MPPED1: variants seen among roughly 807,000 people sequenced by gnomAD.
The protein encoded by MPPED1 is metallophosphoesterase domain-containing protein 1.
MPPED1 carries 16 observed loss-of-function variants against 36.2 expected under a neutral mutation model. The observed-to-expected ratio is 0.44, with a 90% CI of 0.30 to 0.67. The LOEUF (loss-of-function observed/expected upper bound fraction) is 0.67, where lower values mean the gene tolerates loss of function less well. Among genes scored for constraint, MPPED1 ranks in the 30% least tolerant of loss-of-function variants. The pLI, the probability that MPPED1 is intolerant of heterozygous loss-of-function variation, is 0.10. For synonymous variants in MPPED1, 199 were observed against 191.3 expected (o/e 1.04, Z -0.33); for missense variants, 307 against 453.4 (o/e 0.68, Z 2.93).
At chr22:43,495,317 G>A (rs920199981) in intron 4 of MPPED1, among the ~76,000 whole-genome samples, 4 of 146,838 alleles carry the variant, frequency 2.7e-5, no homozygotes, top group African/African-American at 1.0e-4. Context: ...GGTGATGGTG[G>A]TGGTGATGGT....
Position 43,448,351 on chromosome 22 carries a change from T to C in MPPED1, c.406+13136T>C, listed in dbSNP as rs569446577. 2.6e-5 allele frequency among the ~76,000 whole-genome samples: 4 copies of C among 152,328 alleles called. No homozygotes were observed. The South Asian group carries it at 8.3e-4, about 32-fold the overall frequency. On this transcript the variant is annotated intron_variant, in intron 3 of 6. Coordinates refer to ENST00000443721, the MANE Select transcript of MPPED1 (RefSeq NM_001044370.2). The stretch of plus-strand genomic sequence containing the variant: ...TTAGTGTGACTGAGAAACTGACTTT[T>C]GTATTTTTATTTCATTGTAGCTGAT...
chr22:43,482,177 A>AT (rs1931770502), intron 4 of MPPED1, among the ~76,000 whole-genome samples: 1 of 152,194 alleles, frequency 6.6e-6, no homozygotes, highest in South Asian at 2.1e-4. Flanking sequence ...TTTTGGATGC[A>AT]TTTTTTGTTC....
At chr22:43,496,025 ATGGTGGAG>A (rs1932324469) in intron 4 of MPPED1, among the ~76,000 whole-genome samples, 1 of 26,016 alleles carries the variant, frequency 3.8e-5, no homozygotes, top group Non-Finnish European at 7.8e-5. Flanking sequence ...GGAGGTGGTG[ATGGTGGAG>A]GTGGTGGTGG....
chr22:43,480,530 C>T (rs893718487), intron 4 of MPPED1, among the ~76,000 whole-genome samples: 2 of 152,138 alleles, frequency 1.3e-5, no homozygotes, highest in African/African-American at 2.4e-5. Flanking sequence ...GTCTTTTGTC[C>T]ATTAAAAACA....
At chr22:43,445,169 G>A (rs1003520045) in intron 3 of MPPED1, among the ~76,000 whole-genome samples, 40 of 152,288 alleles carry the variant, frequency 2.6e-4, no homozygotes, top group African/African-American at 9.6e-4. Flanking sequence ...TAACTTGAAG[G>A]CCTATTCCTG....
chr22:43,445,978 C>T (rs1397244273), intron 3 of MPPED1, among the ~76,000 whole-genome samples: 1 of 141,844 alleles, frequency 7.1e-6, no homozygotes, highest in African/African-American at 2.7e-5. Flanking sequence ...TCAGGTGATT[C>T]TCCCGCCTTA....
chr22:43,465,084 C>T (rs566707785), intron 3 of MPPED1, among the ~76,000 whole-genome samples: 14 of 152,316 alleles, frequency 9.2e-5, no homozygotes, highest in Non-Finnish European at 1.8e-4. Context: ...CTTTATGTCA[C>T]GTCTTCATGG....
intron 1 of MPPED1, among the ~76,000 whole-genome samples, chr22:43,417,218 G>C (rs1306862336): frequency 6.6e-6 from 1 of 152,112 alleles, no homozygotes. Context: ...CAAGGAATAG[G>C]GGCTAATTTT....
intron 2 of MPPED1, among the ~76,000 whole-genome samples, chr22:43,430,597 G>A (rs955934454): frequency 1.3e-5 from 2 of 152,154 alleles, no homozygotes; most frequent in Admixed American, 6.5e-5. Context: ...GCTTGAGATG[G>A]GTGTCAGGTC....
intron 4 of MPPED1, among the ~76,000 whole-genome samples, chr22:43,478,112 C>T (rs1931634065): frequency 6.6e-6 from 1 of 152,278 alleles, no homozygotes; most frequent in African/African-American, 2.4e-5. Context: ...AGGGATGTGG[C>T]TTGTCCAGGG....
intron 5 of MPPED1, among the ~76,000 whole-genome samples, chr22:43,500,293 T>TGGA (rs1569091888): frequency 1.9e-5 from 2 of 107,636 alleles, no homozygotes; most frequent in East Asian, 2.8e-4. Context: ...GTGATGGGGG[T>TGGA]GGTGGTGGTG....
At chr22:43,497,929 G>GTGTA (rs1555904565) in intron 4 of MPPED1, among the ~76,000 whole-genome samples, 13 of 48,748 alleles carry the variant, frequency 2.7e-4, no homozygotes, top group African/African-American at 5.0e-4. Context: ...ATATATATAT[G>GTGTA]TATATGTATA....
intron 1 of MPPED1, among the ~76,000 whole-genome samples, chr22:43,412,990 TC>T (rs1928959178): frequency 1.3e-5 from 2 of 152,252 alleles, no homozygotes; most frequent in Middle Eastern, 6.8e-3. Flanking sequence ...CTCCTTTCCC[TC>T]CCACCTCTCC....
Position 43,497,935 on chromosome 22 carries a change from G to GTATATATATATATATATATATATA in MPPED1, c.633-287_633-286insATATATATATATATATATATATAT, listed in dbSNP as rs753427064. On this transcript the variant is annotated intron_variant, in intron 4 of 6. Transcript: ENST00000443721. ...AAGAAGCTGATATATATATGTATAT[G>GTATATATATATATATATATATATA]TATATATATATATGTATTTAGCTTT... 3.7e-4 allele frequency among the ~76,000 whole-genome samples: 48 copies of GTATATATATATATATATATATATA among 128,368 alleles called. 1 individual carries two copies. The highest frequency in any genetic ancestry group is 8.6e-4 in the East Asian group (4 of 4,668). The allele number at this position is 128,368 out of a possible 152,430, so 84.2% of individuals were successfully genotyped here.
intron 1 of MPPED1, among the ~76,000 whole-genome samples, chr22:43,422,158 C>G (rs1322256617): frequency 6.6e-6 from 1 of 152,196 alleles, no homozygotes; most frequent in African/African-American, 2.4e-5. Context: ...TCAGCTTCAG[C>G]CAGCGGGAGA....
intron 4 of MPPED1, among the ~76,000 whole-genome samples, chr22:43,493,559 G>A (rs537534572): frequency 3.3e-5 from 5 of 152,318 alleles, no homozygotes; most frequent in South Asian, 4.1e-4. Context: ...GGGCCGGCAC[G>A]CCAGGACCCA....
Position 43,425,042 on chromosome 22 carries a change from C to A in MPPED1, c.57C>A (p.Leu19=). The A allele has an allele frequency of 6.2e-7, 1 of 1,612,304 alleles. No homozygotes were observed. Among genetic ancestry groups the A allele is most frequent in the Non-Finnish European group, 8.5e-7 (1 of 1,179,378 alleles). ...SVLKAEALAL[L]PCGLGMAFSQ... Reference sequence around the variant, plus strand: ...TGAAGGCGGAGGCCCTGGCCCTCCTCCCCTGCGGCCTGGGCATGGCATTCT... The same window carrying A: ...TGAAGGCGGAGGCCCTGGCCCTCCTACCCTGCGGCCTGGGCATGGCATTCT... Residue 19 remains leucine (L), a synonymous_variant, in exon 2 of 7, where the codon CTC becomes CTA. Coordinates refer to ENST00000443721, the MANE Select transcript of MPPED1 (RefSeq NM_001044370.2).
intron 3 of MPPED1, among the ~76,000 whole-genome samples, chr22:43,442,795 C>T (rs113722868): frequency 6.6e-6 from 1 of 152,176 alleles, no homozygotes; most frequent in Non-Finnish European, 1.5e-5. Context: ...GTGTGTGCAC[C>T]CTGTGTGAAC....
At chr22:43,452,022 C>CT (rs543788616) in intron 3 of MPPED1, among the ~76,000 whole-genome samples, 18,295 of 144,522 alleles carry the variant, frequency 0.13, 1,522 homozygotes, top group African/African-American at 0.23. Flanking sequence ...TTTTTTCTTT[C>CT]TTTTTTTTTT....
Sources: gnomAD v4.1 joint callset for allele counts (sites outside exome capture counted in the v4.1 genomes callset) on GRCh38, gnomAD v4.1.1 for gene constraint, MANE v1.5 for transcripts, NCBI Gene and HGNC (gene_info 2026-07-23, HGNC 2026-07-21) for gene names.